Variants in MYO16 observed in about 807,000 individuals in gnomAD.
MYO16 encodes unconventional myosin-XVI.
A neutral mutation model predicts 205.3 loss-of-function variants in MYO16; 94 were observed. The ratio of observed to expected loss-of-function variants is 0.46; its 90% CI spans 0.39 to 0.54. The LOEUF (loss-of-function observed/expected upper bound fraction) is 0.54. MYO16 is among the 20% of genes least tolerant of loss of function. The pLI is 0.00. For missense variants in MYO16, 2,315 were observed against 2,387.5 expected, an observed-to-expected ratio of 0.97 and a Z score of 0.63; for synonymous variants, 988 against 954.0, an observed-to-expected ratio of 1.04 and a Z score of -0.66.
At chr13:108,996,445 A>G (rs956324591) in intron 21 of MYO16, among the ~76,000 whole-genome samples, 3 of 152,240 alleles carry the variant, frequency 2.0e-5, no homozygotes, top group African/African-American at 7.2e-5. Context: ...GTAATGTGCA[A>G]TCTGGACAGT....
Position 109,125,102 on chromosome 13 carries a change from T to C in MYO16, c.3536-10T>C. The C allele has an allele frequency of 6.2e-7, 1 of 1,613,598 alleles. No individual in the cohort carries two copies. Among genetic ancestry groups the C allele is most frequent in the African/African-American group, 1.3e-5 (1 of 74,990 alleles). The stretch of plus-strand genomic sequence containing the variant: ...CCTCCATTTACTAACCCATGATCCT[T>C]CTATAAAAGTTATCAGAGGATTTTT... On this transcript the variant is annotated splice_polypyrimidine_tract_variant and intron_variant, in intron 29 of 34. Transcript: ENST00000457511. This position sits in a 1 kb window ranked among gnomAD's most constrained non-coding sequence, Gnocchi z 4.0.
intron 24 of MYO16, among the ~76,000 whole-genome samples, chr13:109,049,926 CTGTGTGTGTGTGTGTGTGTG>C (rs35960970): frequency 2.8e-5 from 3 of 105,908 alleles, no homozygotes; most frequent in Non-Finnish European, 4.0e-5. Context: ...TTCCTTTGTC[CTGTGTGTGTGTGTGTGTGTG>C]TGTGTGTGTG....
At chr13:109,019,653 C>A (rs1885952536) in intron 22 of MYO16, 58 bp from the exon 23 acceptor site, 1 of 1,375,800 alleles carries the variant, frequency 7.3e-7, no homozygotes, top group Non-Finnish European at 1.0e-6. Flanking sequence ...TGAATAATAA[C>A]AAAAATATCA....
chr13:108,808,736 G>A (rs1268503427), intron 7 of MYO16, among the ~76,000 whole-genome samples: 2 of 147,006 alleles, frequency 1.4e-5, no homozygotes, highest in African/African-American at 5.5e-5. Flanking sequence ...TCTGTAATTA[G>A]TTTGAGTGAT....
At chr13:109,044,554 A>C (rs980868669) in intron 23 of MYO16, among the ~76,000 whole-genome samples, 7 of 152,168 alleles carry the variant, frequency 4.6e-5, no homozygotes, top group African/African-American at 1.7e-4. Context: ...TTTGATGATC[A>C]TACCTGTTAT....
At chr13:108,736,097 C>G (rs1884688430) in intron 4 of MYO16, among the ~76,000 whole-genome samples, 1 of 152,048 alleles carries the variant, frequency 6.6e-6, no homozygotes, top group Non-Finnish European at 1.5e-5. Flanking sequence ...TGTAGGTTGC[C>G]CGTTCACTCT....
At chr13:108,977,346 T>A (rs188331402) in intron 20 of MYO16, among the ~76,000 whole-genome samples, 21 of 152,320 alleles carry the variant, frequency 1.4e-4, no homozygotes, top group Non-Finnish European at 2.9e-4. Flanking sequence ...CATACTTGTC[T>A]CTTGAGATAT....
chr13:108,706,822 G>T (rs1883527822), intron 2 of MYO16, among the ~76,000 whole-genome samples: 1 of 152,154 alleles, frequency 6.6e-6, no homozygotes, highest in African/African-American at 2.4e-5. Context: ...TGGGAAAAAA[G>T]AAGTCTGAAA....
At chr13:108,987,858 G>A (rs1012428347) in intron 20 of MYO16, among the ~76,000 whole-genome samples, 7 of 152,198 alleles carry the variant, frequency 4.6e-5, no homozygotes, top group African/African-American at 1.2e-4. Flanking sequence ...GAGTTTACCC[G>A]TGTTCTAAGA....
intron 32 of MYO16, among the ~76,000 whole-genome samples, chr13:109,155,712 G>T (rs909329408): frequency 6.6e-6 from 1 of 152,142 alleles, no homozygotes; most frequent in African/African-American, 2.4e-5. Flanking sequence ...TCTGTTGCAC[G>T]TTTTCAAAAG....
chr13:109,074,461 C>G (rs540895666), intron 27 of MYO16, among the ~76,000 whole-genome samples: 66 of 152,296 alleles, frequency 4.3e-4, no homozygotes, highest in African/African-American at 1.5e-3. Flanking sequence ...AAAGGAGAAG[C>G]AGGCATGTCT....
At chr13:109,178,205 C>T (rs1480958595) in intron 33 of MYO16, among the ~76,000 whole-genome samples, 4 of 152,162 alleles carry the variant, frequency 2.6e-5, no homozygotes, top group Non-Finnish European at 4.4e-5. Context: ...GTCCTGCCAC[C>T]ACAGTGTCTA....
chr13:109,159,352 C>A (rs982398130), intron 32 of MYO16, among the ~76,000 whole-genome samples: 1 of 152,154 alleles, frequency 6.6e-6, no homozygotes, highest in Non-Finnish European at 1.5e-5. Context: ...CATTGTGGTG[C>A]GTGGCTTTAC....
chr13:108,879,998 T>C (rs1312152512), intron 12 of MYO16, among the ~76,000 whole-genome samples: 1 of 152,208 alleles, frequency 6.6e-6, no homozygotes, highest in Non-Finnish European at 1.5e-5. Context: ...AGTGTTCCTA[T>C]TTCTCCACAT....
chr13:108,725,576 C>T (rs562844985), intron 3 of MYO16, among the ~76,000 whole-genome samples: 14 of 152,194 alleles, frequency 9.2e-5, no homozygotes, highest in Admixed American at 3.9e-4. Flanking sequence ...GTCAGTTACA[C>T]GGTTTTCAGT....
chr13:109,020,591 G>A (rs548866952), intron 23 of MYO16, among the ~76,000 whole-genome samples: 1 of 152,222 alleles, frequency 6.6e-6, no homozygotes, highest in East Asian at 1.9e-4. Flanking sequence ...CATTAAGCTT[G>A]ATATATCTTC....
chr13:108,991,047 C>T (rs1031700165), intron 20 of MYO16, among the ~76,000 whole-genome samples: 13 of 152,118 alleles, frequency 8.5e-5, no homozygotes, highest in African/African-American at 3.1e-4. Context: ...CCATAGCGTA[C>T]CCATTGGCAG....
At chr13:108,640,136 G>A (rs1880438115) in intron 1 of MYO16, among the ~76,000 whole-genome samples, 1 of 152,202 alleles carries the variant, frequency 6.6e-6, no homozygotes, top group Non-Finnish European at 1.5e-5. Context: ...AGGTGACAAG[G>A]AAACAGATGG....
intron 23 of MYO16, among the ~76,000 whole-genome samples, chr13:109,036,073 C>T (rs1300792462): frequency 5.3e-5 from 8 of 152,202 alleles, no homozygotes; most frequent in Admixed American, 5.2e-4. Context: ...TTCTCTCACT[C>T]GGTACAAGGC....
Sources: allele counts gnomAD v4.1 joint callset (sites outside exome capture counted in the v4.1 genomes callset), GRCh38; gene constraint gnomAD v4.1.1; non-coding constraint Gnocchi (gnomAD v3.1); transcripts MANE v1.5; gene names NCBI Gene and HGNC (gene_info 2026-07-23, HGNC 2026-07-21).